The following NR3C1 variants were observed in gnomAD, a reference collection of about 807,000 sequenced individuals.
The protein encoded by NR3C1 is nuclear receptor subfamily 3 group C member 1, also known as glucocorticoid receptor.
In NR3C1, 14 loss-of-function variants were observed where a neutral mutation model predicts 74.0. That is an observed-to-expected ratio of 0.19 (90% CI 0.12 to 0.30). The LOEUF (loss-of-function observed/expected upper bound fraction) is 0.30. Among genes scored for constraint, NR3C1 ranks in the 10% least tolerant of loss-of-function variants. NR3C1 has a pLI of 1.00. For synonymous variants in NR3C1, 308 were observed against 332.5 expected (o/e 0.93, Z 0.80); for missense variants, 695 against 909.8 (o/e 0.76, Z 3.04).
chr5:143,342,403 T>G (rs913225852), intron 2 of NR3C1, among the ~76,000 whole-genome samples: 1 of 152,138 alleles, frequency 6.6e-6, no homozygotes, highest in Non-Finnish European at 1.5e-5. Flanking sequence ...GTCACCAAGG[T>G]GGTGGCTCTG....
At chr5:143,402,773 G>T (rs1350823525) in intron 1 of NR3C1, 1 of 985,274 alleles carries the variant, frequency 1.0e-6, no homozygotes, top group African/African-American at 1.7e-5. Context: ...TCGCGCTCGG[G>T]CGCGCCGGGG....
chr5:143,301,182 A>G (rs890338282), intron 4 of NR3C1, among the ~76,000 whole-genome samples: 5 of 152,300 alleles, frequency 3.3e-5, no homozygotes, highest in African/African-American at 1.2e-4. Context: ...CTAAGCTTGG[A>G]GTAACGGATT....
intron 2 of NR3C1, among the ~76,000 whole-genome samples, chr5:143,317,626 G>GA (rs1309790033): frequency 6.6e-6 from 1 of 152,132 alleles, no homozygotes; most frequent in Non-Finnish European, 1.5e-5. Flanking sequence ...TTCAGAGAGA[G>GA]AAAACCATGC....
Position 143,358,446 on chromosome 5 carries a change from T to C in NR3C1, c.1184+41210A>G, listed in dbSNP as rs1376382021. On this transcript the variant is annotated intron_variant, in intron 2 of 8. Transcript: ENST00000394464. Reference sequence around the variant, plus strand: ...CTTTTGCCATTATAACCATCTAATATCTGGTACCATTAAATATTTGTGGAG... The same window carrying C: ...CTTTTGCCATTATAACCATCTAATACCTGGTACCATTAAATATTTGTGGAG... 2.0e-5 allele frequency among the ~76,000 whole-genome samples: 3 copies of C among 152,288 alleles called. No homozygotes were observed. The East Asian group carries it at 5.8e-4, about 29-fold the overall frequency.
intron 1 of NR3C1, among the ~76,000 whole-genome samples, chr5:143,410,837 G>A (rs1178809673): frequency 2.0e-5 from 3 of 152,162 alleles, no homozygotes; most frequent in Non-Finnish European, 4.4e-5. Context: ...TCAGTGCAAT[G>A]GGCAGTCTGG....
intron 2 of NR3C1, among the ~76,000 whole-genome samples, chr5:143,388,069 C>G (rs568559508): frequency 6.6e-6 from 1 of 152,292 alleles, no homozygotes; most frequent in South Asian, 2.1e-4. Flanking sequence ...AAGCTTTTAA[C>G]AAACCACCAA....
intron 2 of NR3C1, among the ~76,000 whole-genome samples, chr5:143,319,718 C>G (rs1044076453): frequency 1.3e-5 from 2 of 151,036 alleles, no homozygotes; most frequent in Non-Finnish European, 2.9e-5. Flanking sequence ...GCCCCCACCA[C>G]AAAGAAGTAT....
chr5:143,290,799 A>C (rs936039168), intron 7 of NR3C1, among the ~76,000 whole-genome samples: 3 of 151,916 alleles, frequency 2.0e-5, no homozygotes, highest in African/African-American at 7.3e-5. Flanking sequence ...TCCTGACCTC[A>C]AGTGATCTGC....
rs1355439430 is a variant in NR3C1, at chr5:143,316,522, A to T, written c.1185-2354T>A. ...ATAACCCTGTGAAAATGACATCATC[A>T]CCCCTGGATGCGGTCATACGGGCCG... On this transcript the variant is annotated intron_variant, in intron 2 of 8. Coordinates refer to ENST00000394464, the MANE Select transcript of NR3C1 (RefSeq NM_000176.3). 2.6e-5 allele frequency among the ~76,000 whole-genome samples: 4 copies of T among 152,014 alleles called. No individual in the cohort carries two copies. The South Asian group carries it at 8.3e-4, about 32-fold the overall frequency.
chr5:143,295,562 C>T lies in NR3C1; in HGVS notation c.1921G>A (p.Asp641Asn), dbSNP rs756361771. ...EQRMTLPCMY[D>N]QCKHMLYVSS... The stretch of plus-strand genomic sequence containing the variant: ...ACATACAGCATGTGTTTACATTGGT[C>T]GTACATGCAGGGTAGAGTCATTCTC... The change falls in exon 7 of 9, where the codon GAC becomes AAC. Residue 641 changes from aspartate (D) to asparagine (N), a missense_variant. Around this residue, in one of 4 missense-constraint regions of NR3C1, gnomAD observed 133 missense variants for 287.9 expected, o/e 0.46. Transcript: ENST00000394464. The T allele has an allele frequency of 3.1e-6, 5 of 1,612,842 alleles. No individual in the cohort carries two copies. Among genetic ancestry groups the T allele is most frequent in the African/African-American group, 1.3e-5 (1 of 74,918 alleles).
intron 2 of NR3C1, among the ~76,000 whole-genome samples, chr5:143,395,070 T>C (rs1838944567): frequency 6.6e-6 from 1 of 151,968 alleles, no homozygotes; most frequent in Admixed American, 6.6e-5. Flanking sequence ...TGAACTGCAA[T>C]AAAATTCTAT....
chr5:143,357,400 T>C (rs1418121076), intron 2 of NR3C1, among the ~76,000 whole-genome samples: 5 of 152,130 alleles, frequency 3.3e-5, no homozygotes, highest in Admixed American at 6.5e-5. Flanking sequence ...GTATACAAAA[T>C]TGAGCATAGC....
At position 143,400,033 on chromosome 5, in the gene NR3C1, A is replaced by C. The variant is rs537189647; in HGVS notation, c.807T>G (p.Ser269Arg). The change falls in exon 2 of 9, where the codon AGT becomes AGG. Residue 269 changes from serine (S) to arginine (R), a missense_variant. Transcript: ENST00000394464. ...DNGDLVLSSP[S>R]NVTLPQVKTE... ...TTTTCACTTGGGGCAGTGTTACATT[A>C]CTGGGGCTTGACAAAACCAGATCTC... 1.5e-5 allele frequency: 24 copies of C among 1,614,186 alleles called. No individual in the cohort carries two copies. The South Asian group carries it at 2.2e-4, about 15-fold the overall frequency.
At chr5:143,311,157 G>A (rs1561535931) in intron 3 of NR3C1, among the ~76,000 whole-genome samples, 1 of 151,930 alleles carries the variant, frequency 6.6e-6, no homozygotes, top group South Asian at 2.1e-4. Context: ...TTCTTTACTT[G>A]GACAGAAAAT....
intron 2 of NR3C1, among the ~76,000 whole-genome samples, chr5:143,343,347 C>T (rs186072036): frequency 3.7e-4 from 56 of 152,320 alleles, no homozygotes; most frequent in Non-Finnish European, 6.5e-4. Context: ...TAGCAGGAGG[C>T]AGGTTGCTTG....
intron 2 of NR3C1, among the ~76,000 whole-genome samples, chr5:143,356,108 T>G (rs1214413205): frequency 1.3e-5 from 2 of 152,224 alleles, no homozygotes. Context: ...CCAATCCACT[T>G]TCCATAATCT....
At chr5:143,398,603 A>G (rs1169649261) in intron 2 of NR3C1, among the ~76,000 whole-genome samples, 1 of 151,958 alleles carries the variant, frequency 6.6e-6, no homozygotes, top group East Asian at 1.9e-4. Context: ...CAAATAAATC[A>G]CTGTCTACCA....
intron 4 of NR3C1, among the ~76,000 whole-genome samples, chr5:143,307,760 A>G (rs1393042862): frequency 6.6e-6 from 1 of 152,252 alleles, no homozygotes; most frequent in Non-Finnish European, 1.5e-5. Context: ...TTAAATGGTC[A>G]AAGTATATTA....
intron 4 of NR3C1, among the ~76,000 whole-genome samples, chr5:143,303,797 G>A (rs976339683): frequency 2.0e-5 from 3 of 151,918 alleles, no homozygotes; most frequent in African/African-American, 7.2e-5. Flanking sequence ...ATCAATAAAT[G>A]TGATTCACCA....
Sources: allele counts gnomAD v4.1 joint callset (sites outside exome capture counted in the v4.1 genomes callset), GRCh38; gene constraint gnomAD v4.1.1; regional missense constraint gnomAD v4.1.1; transcripts MANE v1.5; gene names NCBI Gene and HGNC (gene_info 2026-07-23, HGNC 2026-07-21).